VWA8: variants seen among roughly 807,000 people sequenced by gnomAD.
The protein encoded by VWA8 is von Willebrand factor A domain containing 8.
VWA8 carries 221 observed loss-of-function variants against 241.5 expected under a neutral mutation model. The ratio of observed to expected loss-of-function variants is 0.91; its 90% confidence interval spans 0.82 to 1.02. The LOEUF is 1.02. VWA8 is among the 50% of genes least tolerant of loss of function. The pLI, the probability that VWA8 is intolerant of heterozygous loss-of-function variation, is 0.00. For synonymous variants in VWA8, 852 were observed against 827.1 expected (o/e 1.03, Z -0.52); for missense variants, 2,322 against 2,328.7 (o/e 1.00, Z 0.06).
chr13:41,689,403 G>A lies in VWA8; in HGVS notation c.4082C>T (p.Ser1361Leu), dbSNP rs202210279. 1 of 1,612,078 alleles carries A rather than the reference G, an allele frequency of 6.2e-7. No individual in the cohort carries two copies. The highest frequency in any genetic ancestry group is 1.7e-5 in the Admixed American group (1 of 59,814). ...TATTGTAGCATAATTTTTCTCATCTGAGAGAATTCTGTTGGGAGAGGCAAT... is the reference window on the plus strand; with the variant it reads ...TATTGTAGCATAATTTTTCTCATCTAAGAGAATTCTGTTGGGAGAGGCAAT... Reference protein sequence around the residue: ...QKIASPNRILSDEKNYATIVV... With the variant: ...QKIASPNRILLDEKNYATIVV... Residue 1361 changes from serine to leucine, a missense_variant, in exon 34 of 45, where the codon TCA becomes TTA. Coordinates refer to ENST00000379310, the MANE Select transcript of VWA8 (RefSeq NM_015058.2).
chr13:41,594,604 G>T (rs2044476484), intron 40 of VWA8, among the ~76,000 whole-genome samples: 1 of 152,138 alleles, frequency 6.6e-6, no homozygotes. Context: ...TCAAGATGAC[G>T]GGTAGAGGGA....
At chr13:41,588,241 ATCTTC>A (rs2044431974) in intron 41 of VWA8, among the ~76,000 whole-genome samples, 2 of 152,248 alleles carry the variant, frequency 1.3e-5, no homozygotes, top group Admixed American at 1.3e-4. Context: ...TAAGCTGCAC[ATCTTC>A]TCTTCCTTCC....
chr13:41,931,723 G>C (rs1276016529), intron 2 of VWA8, among the ~76,000 whole-genome samples: 1 of 151,550 alleles, frequency 6.6e-6, no homozygotes, highest in Non-Finnish European at 1.5e-5. Flanking sequence ...ACTAACACAT[G>C]GGCAAAGAAG....
At chr13:41,829,789 A>T (rs1311364540) in intron 14 of VWA8, among the ~76,000 whole-genome samples, 1 of 152,004 alleles carries the variant, frequency 6.6e-6, no homozygotes, top group Admixed American at 6.6e-5. Context: ...AGGGGCAGGG[A>T]AGCTTGTGGG....
chr13:41,727,105 T>G (rs1257754385), intron 24 of VWA8, 89 bp downstream of exon 24: 1 of 1,032,456 alleles, frequency 9.7e-7, no homozygotes, highest in African/African-American at 1.7e-5. Context: ...GCACAGCACA[T>G]GATAAGCATT....
At chr13:41,957,094 A>T (rs1397647177) in intron 1 of VWA8, among the ~76,000 whole-genome samples, 2 of 152,140 alleles carry the variant, frequency 1.3e-5, no homozygotes, top group Admixed American at 1.3e-4. Context: ...TACAAAAATT[A>T]GCTGGGGTGG....
intron 42 of VWA8, among the ~76,000 whole-genome samples, chr13:41,584,492 A>G (rs997300471): frequency 1.3e-5 from 2 of 152,138 alleles, no homozygotes; most frequent in African/African-American, 4.8e-5. Context: ...AATTTTTCTG[A>G]AAGAGGCTCA....
intron 37 of VWA8, among the ~76,000 whole-genome samples, chr13:41,618,517 G>C (rs889916386): frequency 2.6e-5 from 4 of 152,084 alleles, no homozygotes; most frequent in African/African-American, 9.7e-5. Flanking sequence ...TGTTGCCATT[G>C]CTTTCGGTGT....
intron 12 of VWA8, among the ~76,000 whole-genome samples, chr13:41,849,304 AG>A (rs1465921926): frequency 6.6e-6 from 1 of 152,220 alleles, no homozygotes; most frequent in East Asian, 1.9e-4. Context: ...TTTCATTTCC[AG>A]GGGAAAAAAT....
intron 34 of VWA8, among the ~76,000 whole-genome samples, chr13:41,686,600 T>C (rs1325767991): frequency 6.6e-6 from 1 of 152,186 alleles, no homozygotes; most frequent in Non-Finnish European, 1.5e-5. Context: ...AATTCCAATC[T>C]AATAACTACA....
intron 43 of VWA8, among the ~76,000 whole-genome samples, chr13:41,572,797 T>TA (rs869088660): frequency 0.092 from 6,203 of 67,366 alleles, 332 homozygotes; most frequent in East Asian, 0.25. Context: ...CAATAAATAC[T>TA]AAAAAAAAAA....
chr13:41,651,863 G>T (rs553749158), intron 37 of VWA8, among the ~76,000 whole-genome samples: 78 of 152,260 alleles, frequency 5.1e-4, no homozygotes, highest in African/African-American at 1.8e-3. Context: ...AGAGAATGGG[G>T]CTTCATTTCT....
At chr13:41,948,069 C>T (rs1041054466) in intron 2 of VWA8, among the ~76,000 whole-genome samples, 2 of 148,166 alleles carry the variant, frequency 1.3e-5, no homozygotes, top group Middle Eastern at 7.5e-3. Flanking sequence ...CATATAAAAA[C>T]TTGCATATGG....
At chr13:41,799,828 A>G (rs1869867922) in intron 17 of VWA8, among the ~76,000 whole-genome samples, 1 of 152,166 alleles carries the variant, frequency 6.6e-6, no homozygotes, top group African/African-American at 2.4e-5. Flanking sequence ...ATACAATTCA[A>G]TGGTTTCTAG....
At chr13:41,627,017 G>A (rs1190165660) in intron 37 of VWA8, among the ~76,000 whole-genome samples, 1 of 152,000 alleles carries the variant, frequency 6.6e-6, no homozygotes, top group African/African-American at 2.4e-5. Flanking sequence ...TGCAAACTAT[G>A]CATCCAACAA....
chr13:41,776,633 C>G (rs1022643673), intron 20 of VWA8, among the ~76,000 whole-genome samples: 1 of 152,186 alleles, frequency 6.6e-6, no homozygotes, highest in East Asian at 1.9e-4. Context: ...GCTGACAGAA[C>G]TGAGCACTGT....
At chr13:41,573,610 C>CATATATATATGTATATATATATATAT (rs1239166610) in intron 43 of VWA8, among the ~76,000 whole-genome samples, 1 of 140,190 alleles carries the variant, frequency 7.1e-6, no homozygotes, top group South Asian at 2.2e-4. Flanking sequence ...TATATATACG[C>CATATATATATGTATATATATATATAT]ATATATATGG....
intron 24 of VWA8, among the ~76,000 whole-genome samples, chr13:41,726,830 A>C (rs1324777724): frequency 6.6e-6 from 1 of 152,084 alleles, no homozygotes; most frequent in Non-Finnish European, 1.5e-5. Context: ...CCCCATCTCT[A>C]CTAAAAATAC....
At chr13:41,939,148 G>A (rs1044898203) in intron 2 of VWA8, among the ~76,000 whole-genome samples, 4 of 152,102 alleles carry the variant, frequency 2.6e-5, no homozygotes, top group Non-Finnish European at 4.4e-5. Flanking sequence ...TCTACCAACT[G>A]CAACAAGATT....
Sources: gnomAD v4.1 joint callset for allele counts (sites outside exome capture counted in the v4.1 genomes callset) on GRCh38, gnomAD v4.1.1 for gene constraint, MANE v1.5 for transcripts, NCBI Gene and HGNC (gene_info 2026-07-23, HGNC 2026-07-21) for gene names.